The following ST8SIA3 variants were observed in gnomAD, a reference collection of about 807,000 sequenced individuals.
ST8SIA3 encodes alpha-N-acetylneuraminate alpha-2,8-sialyltransferase ST8SIA3.
ST8SIA3 carries 17 observed loss-of-function variants against 34.5 expected under a neutral mutation model. The observed-to-expected ratio is 0.49, with a 90% confidence interval of 0.34 to 0.74. ST8SIA3 has a LOEUF of 0.74. ST8SIA3 is among the 30% of genes least tolerant of loss of function. ST8SIA3 has a pLI of 0.01. For synonymous variants in ST8SIA3, 172 were observed against 176.1 expected (o/e 0.98, Z 0.19); for missense variants, 354 against 467.8 (o/e 0.76, Z 2.24).
At chr18:57,355,171 G>A (rs919255793) in intron 2 of ST8SIA3, among the ~76,000 whole-genome samples, 32 of 152,004 alleles carry the variant, frequency 2.1e-4, no homozygotes, top group Non-Finnish European at 3.8e-4. Flanking sequence ...ATGGTTTTGA[G>A]GTTTTGTTTT....
chr18:57,357,835 C>A (rs917921728), intron 3 of ST8SIA3, among the ~76,000 whole-genome samples: 1 of 152,122 alleles, frequency 6.6e-6, no homozygotes, highest in Non-Finnish European at 1.5e-5. Flanking sequence ...AAATTAGAGA[C>A]AAATCAAGTG....
At chr18:57,354,365 G>A (rs1008253614) in intron 1 of ST8SIA3, 37 bp from the exon 2 acceptor site, 5 of 1,612,710 alleles carry the variant, frequency 3.1e-6, no homozygotes, top group Non-Finnish European at 4.2e-6. Context: ...CCCGAGCTGA[G>A]GCCAGCACGC....
rs766343779 is a variant in ST8SIA3, at chr18:57,352,758, A to ACACG, written c.-86_-85insGCAC. ...CACACACACACACACACACACACAC[A>ACACG]CACACACACACATATATACACGCCA... On this transcript the variant is annotated 5_prime_UTR_variant, in exon 1 of 4. Coordinates refer to ENST00000324000, the MANE Select transcript of ST8SIA3 (RefSeq NM_015879.3). 25 of 860,712 alleles carry ACACG rather than the reference A, an allele frequency of 2.9e-5. No homozygotes were observed. The African/African-American group carries it at 4.3e-4, about 15-fold the overall frequency. 53.3% of individuals were successfully genotyped at this position (860,712 alleles called of 1,614,324 possible).
rs182489905 is a variant in ST8SIA3 at position 57,364,736 on chromosome 18, C to G, written c.*4459C>G. 1 of 152,740 alleles carries G rather than the reference C, an allele frequency of 6.5e-6. No individual in the cohort carries two copies. Among genetic ancestry groups the G allele is most frequent in the African/African-American group, 2.4e-5 (1 of 41,582 alleles). The allele number at this position is 152,740 out of a possible 1,614,324, so 9.5% of individuals were successfully genotyped here. On this transcript the variant is annotated 3_prime_UTR_variant, in exon 4 of 4. Transcript: ENST00000324000. The stretch of plus-strand genomic sequence containing the variant: ...AATCGAGGCCACAGATCAGTTGGTA[C>G]TAAGCATCAAAATGATTCATTATGC...
At position 57,360,165 on chromosome 18, in the gene ST8SIA3, C is replaced by A. The variant is rs1357356878; in HGVS notation, c.1031C>A (p.Thr344Asn). The A allele has an allele frequency of 1.2e-6, 2 of 1,614,142 alleles. No homozygotes were observed. Among genetic ancestry groups the A allele is most frequent in the South Asian group, 1.1e-5 (1 of 91,084 alleles). The change falls in exon 4 of 4, where the codon ACC (threonine) becomes AAC (asparagine). Residue 344 changes from threonine to asparagine, a missense_variant. Thr to Asn is a moderately conservative substitution (Grantham distance 65, BLOSUM62 0). Transcript: ENST00000324000. ...TACCATTACTATGACAAAAAAGGAACCAAATTTACCACCAAGTGGCAGGAG... is the reference window on the plus strand; with the variant it reads ...TACCATTACTATGACAAAAAAGGAAACAAATTTACCACCAAGTGGCAGGAG... ...LPYHYYDKKG[T>N]KFTTKWQESH...
rs181374753 is a variant in ST8SIA3 at position 57,362,204 on chromosome 18, C to G, written c.*1927C>G. The G allele has an allele frequency of 6.6e-6, 1 of 152,272 alleles. No individual in the cohort carries two copies. The highest frequency in any genetic ancestry group is 2.4e-5 in the African/African-American group (1 of 41,560). The allele number at this position is 152,272 out of a possible 1,614,324, so 9.4% of individuals were successfully genotyped here. On this transcript the variant is annotated 3_prime_UTR_variant, in exon 4 of 4. Transcript: ENST00000324000. The stretch of plus-strand genomic sequence containing the variant: ...CAACCACACCGTGTTTGTTCCCTGT[C>G]CCTTTGAAGAGGACTGTACTACCAT...
rs749514653 is a variant in ST8SIA3 at position 57,353,009 on chromosome 18, T to C, written c.163T>C (p.Phe55Leu). Residue 55 changes from phenylalanine (F) to leucine (L), a missense_variant, in exon 1 of 4, where the codon TTC (phenylalanine) becomes CTC (leucine). Phe to Leu is a conservative substitution (Grantham distance 22). This residue lies in a region of ST8SIA3 where 184 missense variants were observed against 205.4 expected (regional missense o/e 0.90). Transcript: ENST00000324000. ...ASPGAPRMYMFHAGFRSQFAL... is the reference protein window; with the variant it reads ...ASPGAPRMYMLHAGFRSQFAL... The stretch of plus-strand genomic sequence containing the variant: ...CCCGGGGGCGCCCCGAATGTACATG[T>C]TCCACGCGGGATTCCGGTGAGTGCG... 1.6e-5 allele frequency: 26 copies of C among 1,608,828 alleles called. No individual in the cohort carries two copies. The highest frequency in any genetic ancestry group is 2.2e-5 in the Non-Finnish European group (26 of 1,179,690).
At chr18:57,355,862 A>G (rs1005267801) in intron 2 of ST8SIA3, among the ~76,000 whole-genome samples, 14 of 152,164 alleles carry the variant, frequency 9.2e-5, no homozygotes, top group African/African-American at 2.4e-4. Flanking sequence ...CTTTTTAACA[A>G]CTTGTAAGAG....
At chr18:57,358,379 A>T (rs998558742) in intron 3 of ST8SIA3, among the ~76,000 whole-genome samples, 9 of 152,168 alleles carry the variant, frequency 5.9e-5, no homozygotes, top group Admixed American at 4.6e-4. Flanking sequence ...ATATTATTAT[A>T]AGTTGGGGTG....
chr18:57,363,222 C>T lies in ST8SIA3; in HGVS notation c.*2945C>T, dbSNP rs2049841791. On this transcript the variant is annotated 3_prime_UTR_variant, in exon 4 of 4. Transcript: ENST00000324000. ...TGCAGAGGGGGGAAATAATCACAAA[C>T]TTTTGGCAACCTGCTTAATGCTAGA... The T allele has an allele frequency of 6.6e-6, 1 of 152,194 alleles. No homozygotes were observed. Among genetic ancestry groups the T allele is most frequent in the African/African-American group, 2.4e-5 (1 of 41,442 alleles). The allele number at this position is 152,194 out of a possible 1,614,324, so 9.4% of individuals were successfully genotyped here. A position where few individuals can be genotyped will look rare whatever the true frequency, so the allele number is the denominator to read the frequency against.
chr18:57,360,857 T>A lies in ST8SIA3; in HGVS notation c.*580T>A, dbSNP rs1299554019. 1 of 153,844 alleles carries A rather than the reference T, an allele frequency of 6.5e-6. No homozygotes were observed. Among genetic ancestry groups the A allele is most frequent in the African/African-American group, 2.4e-5 (1 of 41,468 alleles). 9.5% of individuals were successfully genotyped at this position (153,844 alleles called of 1,614,324 possible). On this transcript the variant is annotated 3_prime_UTR_variant, in exon 4 of 4. Transcript: ENST00000324000. ...TCCTATTGAATTCGCTTTGCTTGTA[T>A]ATGTTGCATTTGTACTTGATGTGTT...
intron 2 of ST8SIA3, among the ~76,000 whole-genome samples, chr18:57,356,309 CCT>C (rs1380448149): frequency 5.9e-5 from 9 of 152,088 alleles, no homozygotes; most frequent in African/African-American, 1.7e-4. Flanking sequence ...GAAAAAACTC[CCT>C]GTTTCATTAT....
chr18:57,359,486 T>C (rs1454406282), intron 3 of ST8SIA3, among the ~76,000 whole-genome samples: 1 of 152,202 alleles, frequency 6.6e-6, no homozygotes, highest in Non-Finnish European at 1.5e-5. Flanking sequence ...GAAGGGTTTA[T>C]TTCTAGGTTT....
At position 57,366,110 on chromosome 18, in the gene ST8SIA3, C is replaced by T. The variant is rs1389370913; in HGVS notation, c.*5833C>T. 1 of 152,124 alleles carries T rather than the reference C, an allele frequency of 6.6e-6. No homozygotes were observed. The highest frequency in any genetic ancestry group is 1.5e-5 in the Non-Finnish European group (1 of 68,026). 9.4% of individuals were successfully genotyped at this position (152,124 alleles called of 1,614,324 possible). A position where few individuals can be genotyped will look rare whatever the true frequency, so the allele number is the denominator to read the frequency against. On this transcript the variant is annotated 3_prime_UTR_variant, in exon 4 of 4. Transcript: ENST00000324000. ...TTTCAAGAGCCAGTATAAGTTGGCT[C>T]CAATACAGCATGAGCCAGCTCCAGC...
rs1173833391 is a variant in ST8SIA3, at chr18:57,363,084, T to C, written c.*2807T>C. The stretch of plus-strand genomic sequence containing the variant: ...TAATTTATCCTTTTGTCAGACACTT[T>C]CCCTTTTTTAGGATACTCACAACAG... On this transcript the variant is annotated 3_prime_UTR_variant, in exon 4 of 4. Coordinates refer to ENST00000324000, the MANE Select transcript of ST8SIA3 (RefSeq NM_015879.3). The C allele has an allele frequency of 3.9e-5, 6 of 152,244 alleles. No individual in the cohort carries two copies. Among genetic ancestry groups the C allele is most frequent in the Admixed American group, 3.3e-4 (5 of 15,290 alleles). 9.4% of individuals were successfully genotyped at this position (152,244 alleles called of 1,614,324 possible). A position where few individuals can be genotyped will look rare whatever the true frequency, so the allele number is the denominator to read the frequency against.
Position 57,364,176 on chromosome 18 carries a change from A to C in ST8SIA3, c.*3899A>C, listed in dbSNP as rs1470601508. 2 of 152,192 alleles carry C rather than the reference A, an allele frequency of 1.3e-5. No homozygotes were observed. The highest frequency in any genetic ancestry group is 6.5e-5 in the Admixed American group (1 of 15,276). The allele number at this position is 152,192 out of a possible 1,614,324, so 9.4% of individuals were successfully genotyped here. ...GGTAAATCATGATTTGATAAATAAC[A>C]ATTAAGTTACTGGTGGTTCATGCTT... is the stretch of plus-strand genomic sequence containing the variant. On this transcript the variant is annotated 3_prime_UTR_variant, in exon 4 of 4. Coordinates refer to ENST00000324000, the MANE Select transcript of ST8SIA3 (RefSeq NM_015879.3).
In ST8SIA3 at chr18:57,359,843, G is replaced by T. The variant is rs77463227; in HGVS notation, c.861-152G>T. ...CAAATTATGTAACCAGTTGTGCCCA[G>T]AAGTTGTTTTTGGTTGCCTAAAATA... is the stretch of plus-strand genomic sequence containing the variant. On this transcript the variant is annotated intron_variant, in intron 3 of 3. Transcript: ENST00000324000. The T allele has an allele frequency of 2.0e-3, 1,252 of 627,974 alleles. 13 individuals are homozygous for T. Among genetic ancestry groups the T allele is most frequent in the African/African-American group, 0.018 (956 of 54,596 alleles). 38.9% of individuals were successfully genotyped at this position (627,974 alleles called of 1,614,324 possible).
intron 1 of ST8SIA3, 105 bp downstream of exon 1, chr18:57,353,130 T>C: frequency 2.6e-6 from 3 of 1,155,772 alleles, no homozygotes; most frequent in East Asian, 2.5e-5. Context: ...CGAGACTCTT[T>C]GGGCCAGATA....
rs753989156 is a variant in ST8SIA3, at chr18:57,352,761, CACACACACAT to C, written c.-84_-75del. 44 of 948,022 alleles carry C rather than the reference CACACACACAT, an allele frequency of 4.6e-5. 1 individual carries two copies. In the African/African-American group the frequency reaches 5.7e-4, roughly 12 times the overall value. The allele number at this position is 948,022 out of a possible 1,614,324, so 58.7% of individuals were successfully genotyped here. On this transcript the variant is annotated 5_prime_UTR_variant, in exon 1 of 4. Transcript: ENST00000324000. ...ACACACACACACACACACACACACA[CACACACACAT>C]ATATACACGCCAGCGAGCTGCTGGC... is the stretch of plus-strand genomic sequence containing the variant.
Sources: allele counts gnomAD v4.1 joint callset (sites outside exome capture counted in the v4.1 genomes callset), GRCh38; gene constraint gnomAD v4.1.1; regional missense constraint gnomAD v4.1.1; transcripts MANE v1.5; gene names NCBI Gene and HGNC (gene_info 2026-07-23, HGNC 2026-07-21).